Variants in NOTCH1 observed in about 807,000 individuals in gnomAD.
The protein encoded by NOTCH1 is notch receptor 1, also known as neurogenic locus notch homolog protein 1.
Under a neutral mutation model 254.8 loss-of-function variants are expected in NOTCH1, and 37 were observed. The ratio of observed to expected loss-of-function variants is 0.15; its 90% CI spans 0.11 to 0.19. The LOEUF (loss-of-function observed/expected upper bound fraction) is 0.19, where lower values mean the gene tolerates loss of function less well. NOTCH1 is among the 10% of genes least tolerant of loss of function. The pLI is 1.00. For synonymous variants in NOTCH1, 1,731 were observed against 1,618.1 expected, an observed-to-expected ratio of 1.07 and a Z score of -1.68; for missense variants, 2,972 against 3,708.6, an observed-to-expected ratio of 0.80 and a Z score of 5.16.
rs778969906 is a variant in NOTCH1 at position 136,508,137 on chromosome 9, C to T, written c.3328G>A (p.Val1110Ile). Residue 1110 changes from valine (V) to isoleucine (I), a missense_variant and splice_region_variant, in exon 21 of 34, where the codon GTT becomes ATT. By Grantham distance (29) the Val-to-Ile change is conservative. Transcript: ENST00000651671. ...TGCTGGCACAGGCGGGCAACGTCAA[C>T]ACCTGCGGGGGATGGGGTGGTAGAC... ...SCEVAAQRQG[V>I]DVARLCQHGG... The T allele has an allele frequency of 1.9e-6, 3 of 1,608,092 alleles. No individual in the cohort carries two copies. The highest frequency in any genetic ancestry group is 1.3e-5 in the African/African-American group (1 of 75,034).
In NOTCH1 at chr9:136,504,590, G is replaced by A. The variant is rs561969303; in HGVS notation, c.5018+83C>T. The A allele has an allele frequency of 1.7e-5, 23 of 1,365,148 alleles. No individual in the cohort carries two copies. The South Asian group carries it at 2.0e-4, about 12-fold the overall frequency. 84.6% of individuals were successfully genotyped at this position (1,365,148 alleles called of 1,614,324 possible). On this transcript the variant is annotated intron_variant, in intron 26 of 33. Coordinates refer to ENST00000651671, the MANE Select transcript of NOTCH1 (RefSeq NM_017617.5). The stretch of plus-strand genomic sequence containing the variant: ...TGGGGAGAGTACTGCTTGCCATGGC[G>A]CCGGCCGTGAGGGGCAGGGAGGCCG...
chr9:136,506,495 G>T lies in NOTCH1; in HGVS notation c.4014+32C>A, dbSNP rs373164044. ...GACCTCTCCAGGTGTCTCCCCTGGC[G>T]GGCCCCTGCCTCCCTGCACCCCTGC... On this transcript the variant is annotated intron_variant, in intron 24 of 33. Transcript: ENST00000651671. This position sits in a 1 kb window ranked among gnomAD's most constrained non-coding sequence, Gnocchi z 4.5. The T allele has an allele frequency of 1.3e-6, 2 of 1,546,878 alleles. No homozygotes were observed. The highest frequency in any genetic ancestry group is 1.7e-6 in the Non-Finnish European group (2 of 1,144,690).
At chr9:136,498,010 C>T (rs1305974376) in intron 33 of NOTCH1, among the ~76,000 whole-genome samples, 1 of 152,198 alleles carries the variant, frequency 6.6e-6, no homozygotes, top group Non-Finnish European at 1.5e-5. Context: ...CCTGGGGTCT[C>T]CTCTGTGCGG....
chr9:136,494,538 C>A lies in NOTCH1; in HGVS notation c.*1533G>T, dbSNP rs1323351201. On this transcript the variant is annotated 3_prime_UTR_variant, in exon 34 of 34. Coordinates refer to ENST00000651671, the MANE Select transcript of NOTCH1 (RefSeq NM_017617.5). ...TCCTCATGTAGATCACTTTTAAAGT[C>A]TTTTTCTGTAAACTACACTCTATTT... 2.5e-6 allele frequency: 1 copy of A among 398,888 alleles called. No individual in the cohort carries two copies. The allele number at this position is 398,888 out of a possible 1,614,324, so 24.7% of individuals were successfully genotyped here.
intron 2 of NOTCH1, 112 bp downstream of exon 2, chr9:136,543,912 C>T (rs1843770668): frequency 9.6e-7 from 1 of 1,045,130 alleles, no homozygotes; most frequent in Non-Finnish European, 1.5e-6. Flanking sequence ...CGTGCCCAGA[C>T]TCTGGGCCAT....
In NOTCH1 at chr9:136,523,001, G is replaced by A. The variant is rs370684825; in HGVS notation, c.591C>T (p.Asn197=). Residue 197 remains asparagine (N), a synonymous_variant, in exon 4 of 34, where the codon AAC becomes AAT. Coordinates refer to ENST00000651671, the MANE Select transcript of NOTCH1 (RefSeq NM_017617.5). The part of the protein sequence containing the change: ...GLCRHGGTCH[N]EVGSYRCVCR... ...AGACGCAGCGGTAGGAGCCGACCTC[G>A]TTGTGGCAGGTGCCTCCGTGGCGGC... The A allele has an allele frequency of 4.8e-5, 75 of 1,554,900 alleles. No homozygotes were observed. In the Admixed American group the frequency reaches 5.2e-4, roughly 11 times the overall value.
In NOTCH1 at chr9:136,515,420, C is replaced by T. The variant is rs762328294; in HGVS notation, c.1904-20G>A. 1.1e-5 allele frequency: 18 copies of T among 1,612,370 alleles called. No homozygotes were observed. The highest frequency in any genetic ancestry group is 4.4e-5 in the South Asian group (4 of 91,064). On this transcript the variant is annotated intron_variant, in intron 11 of 33. Transcript: ENST00000651671. ...TGGGTCCTGAAGGGGTGGCACGTGT[C>T]GGTCAGTCCTCAGGCCCGCCCTGCC...
At position 136,502,408 on chromosome 9, in the gene NOTCH1, C is replaced by T. The variant is rs368396893; in HGVS notation, c.5248G>A (p.Val1750Met). 3.5e-5 allele frequency: 56 copies of T among 1,611,486 alleles called. No individual in the cohort carries two copies. Among genetic ancestry groups the T allele is most frequent in the Middle Eastern group, 3.3e-4 (2 of 6,082 alleles). Residue 1750 changes from valine (V) to methionine (M), a missense_variant, in exon 28 of 34, where the codon GTG (valine) becomes ATG (methionine). Around this residue, in one of 8 missense-constraint regions of NOTCH1, gnomAD observed 421 missense variants for 604.4 expected, o/e 0.70. Coordinates refer to ENST00000651671, the MANE Select transcript of NOTCH1 (RefSeq NM_017617.5). ...AAAAFVLLFF[V>M]GCGVLLSRKR... Reference sequence around the variant, plus strand: ...CGGGACAGCAGCACCCCGCAGCCCACGAAGAACAGAAGCACAAAGGCGGCC... The same window carrying T: ...CGGGACAGCAGCACCCCGCAGCCCATGAAGAACAGAAGCACAAAGGCGGCC...
chr9:136,530,145 C>T (rs898475855), intron 2 of NOTCH1, among the ~76,000 whole-genome samples: 11 of 152,308 alleles, frequency 7.2e-5, no homozygotes, highest in Admixed American at 2.0e-4. Flanking sequence ...GGGCGGGGGT[C>T]GCGGCCGGCC....
intron 21 of NOTCH1, 35 bp from the exon 22 acceptor site, chr9:136,507,472 C>T: frequency 6.4e-7 from 1 of 1,571,812 alleles, no homozygotes; most frequent in Admixed American, 1.9e-5. Context: ...CCCTTCGGCT[C>T]AGCCGGCGCC....
intron 5 of NOTCH1, among the ~76,000 whole-genome samples, chr9:136,519,234 C>T (rs537533146): frequency 1.8e-4 from 28 of 152,242 alleles, no homozygotes; most frequent in Non-Finnish European, 4.0e-4. Context: ...CAACCAGGGC[C>T]CTGTCTGTGC....
intron 11 of NOTCH1, 34 bp from the exon 12 acceptor site, chr9:136,515,434 G>A (rs2133363035): frequency 6.2e-7 from 1 of 1,611,970 alleles, no homozygotes; most frequent in South Asian, 1.1e-5. Context: ...CAGTCCTCAG[G>A]CCCGCCCTGC....
intron 2 of NOTCH1, among the ~76,000 whole-genome samples, chr9:136,525,889 G>C (rs1301219392): frequency 6.6e-6 from 1 of 152,274 alleles, no homozygotes; most frequent in Non-Finnish European, 1.5e-5. Flanking sequence ...CTTGGGTAGA[G>C]AGAACGCAAA....
intron 2 of NOTCH1, among the ~76,000 whole-genome samples, chr9:136,527,602 C>A (rs983424230): frequency 6.6e-6 from 1 of 152,204 alleles, no homozygotes; most frequent in African/African-American, 2.4e-5. Flanking sequence ...CAGTCTCCCC[C>A]GACTGGACGA....
rs1302948296 is a variant in NOTCH1, at chr9:136,513,001, A to G, written c.2467+20T>C. Reference sequence around the variant, plus strand: ...ACATAGGCCCCGCCCCCTCCAGCACAGGCCCCACCCACCCCTCACCTGTGT... The same window carrying G: ...ACATAGGCCCCGCCCCCTCCAGCACGGGCCCCACCCACCCCTCACCTGTGT... On this transcript the variant is annotated intron_variant, in intron 15 of 33. Transcript: ENST00000651671. The surrounding 1 kb of genome is among the most constrained non-coding windows in gnomAD (Gnocchi z 4.7). 2 of 950,466 alleles carry G rather than the reference A, an allele frequency of 2.1e-6. No individual in the cohort carries two copies. Among genetic ancestry groups the G allele is most frequent in the Non-Finnish European group, 3.1e-6 (2 of 645,144 alleles). The allele number at this position is 950,466 out of a possible 1,614,324, so 58.9% of individuals were successfully genotyped here. A position where few individuals can be genotyped will look rare whatever the true frequency, so the allele number is the denominator to read the frequency against.
chr9:136,508,885 A>G lies in NOTCH1; in HGVS notation c.3156T>C (p.Thr1052=). The change falls in exon 19 of 34, where the codon ACT becomes ACC. Residue 1052 remains threonine (T), a synonymous_variant. Transcript: ENST00000651671. ...GCGCACTCACCTGGCAGTTGGGGCC[A>G]GTGTAGCCCTGGGGGCAGGTGCACC... ...SYRCTCPQGY[T]GPNCQNLVHW... The G allele has an allele frequency of 6.5e-7, 1 of 1,546,122 alleles. No individual in the cohort carries two copies. Among genetic ancestry groups the G allele is most frequent in the Non-Finnish European group, 8.7e-7 (1 of 1,145,140 alleles).
Position 136,508,950 on chromosome 9 carries a change from G to A in NOTCH1, c.3091C>T (p.Leu1031=), listed in dbSNP as rs1342008244. 3 of 1,551,330 alleles carry A rather than the reference G, an allele frequency of 1.9e-6. No individual in the cohort carries two copies. The highest frequency in any genetic ancestry group is 1.2e-5 in the South Asian group (1 of 84,160). The change falls in exon 19 of 34, where the codon CTG becomes TTG. Residue 1031 remains leucine, a synonymous_variant. Coordinates refer to ENST00000651671, the MANE Select transcript of NOTCH1 (RefSeq NM_017617.5). ...DVNECDSQPC[L]HGGTCQDGCG... is the part of the protein sequence containing the mutation. The stretch of plus-strand genomic sequence containing the variant: ...CCGTCCTGACAGGTGCCGCCATGCA[G>A]GCAGGGCTGTGAGTCGCACTCATTG...
At position 136,495,300 on chromosome 9, in the gene NOTCH1, G is replaced by C; in HGVS notation, c.*771C>G. Reference sequence around the variant, plus strand: ...GCCGGGGTGGTTCTGGAGGGACCAAGAACTTGTATAACCAACGAACAACTA... The same window carrying C: ...GCCGGGGTGGTTCTGGAGGGACCAACAACTTGTATAACCAACGAACAACTA... On this transcript the variant is annotated 3_prime_UTR_variant, in exon 34 of 34. Transcript: ENST00000651671. 1 of 398,992 alleles carries C rather than the reference G, an allele frequency of 2.5e-6. No individual in the cohort carries two copies. The allele number at this position is 398,992 out of a possible 1,614,324, so 24.7% of individuals were successfully genotyped here.
rs778564615 is a variant in NOTCH1, at chr9:136,502,094, G to A, written c.5385-6C>T. 1.2e-6 allele frequency: 2 copies of A among 1,612,852 alleles called. No homozygotes were observed. The highest frequency in any genetic ancestry group is 1.3e-5 in the African/African-American group (1 of 74,912). Reference sequence around the variant, plus strand: ...CTGAAGCGTTCTTCAGGGGCCTGGGGGGTGAGGGGTCGAGAAGTGAGGCTG... The same window carrying A: ...CTGAAGCGTTCTTCAGGGGCCTGGGAGGTGAGGGGTCGAGAAGTGAGGCTG... On this transcript the variant is annotated splice_region_variant and splice_polypyrimidine_tract_variant and intron_variant, in intron 28 of 33. Transcript: ENST00000651671.
Sources: allele counts gnomAD v4.1 joint callset (sites outside exome capture counted in the v4.1 genomes callset), GRCh38; gene constraint gnomAD v4.1.1; regional missense constraint gnomAD v4.1.1; non-coding constraint Gnocchi (gnomAD v3.1); transcripts MANE v1.5; gene names NCBI Gene and HGNC (gene_info 2026-07-23, HGNC 2026-07-21).